The following LARGE1 variants were observed in gnomAD, a reference collection of about 807,000 sequenced individuals.
LARGE1 encodes LARGE xylosyl- and glucuronyltransferase 1, also known as xylosyl- and glucuronyltransferase LARGE1.
In LARGE1, 43 loss-of-function variants were observed where a neutral mutation model predicts 87.6. The ratio of observed to expected loss-of-function variants is 0.49; its 90% CI spans 0.38 to 0.63. LARGE1 has a LOEUF of 0.63. Among genes scored for constraint, LARGE1 ranks in the 30% least tolerant of loss-of-function variants. The pLI is 0.00. For missense variants in LARGE1, 802 were observed against 1,000.2 expected (o/e 0.80, Z 2.67); for synonymous variants, 434 against 394.6 (o/e 1.10, Z -1.18).
chr22:33,830,558 G>A (rs2146327788), intron 1 of LARGE1, among the ~76,000 whole-genome samples: 1 of 152,210 alleles, frequency 6.6e-6, no homozygotes, highest in Admixed American at 6.5e-5. Flanking sequence ...TTTCCTCAAG[G>A]GTGAAATGAG....
At chr22:33,332,718 G>A (rs2283892) in intron 10 of LARGE1, among the ~76,000 whole-genome samples, 19,210 of 152,008 alleles carry the variant, frequency 0.13, 2,991 homozygotes, top group African/African-American at 0.37. Flanking sequence ...AACACTTGAC[G>A]CGCTGCGGAA....
intron 10 of LARGE1, among the ~76,000 whole-genome samples, chr22:33,317,803 C>T (rs1006781461): frequency 2.6e-5 from 4 of 152,198 alleles, no homozygotes; most frequent in South Asian, 2.1e-4. Context: ...AAATTGGACT[C>T]GGGCATGTGG....
the LARGE1 span, among the ~76,000 whole-genome samples, chr22:33,141,726 T>C: frequency 2.6e-5 from 4 of 152,250 alleles, no homozygotes; most frequent in Non-Finnish European, 4.4e-5. Flanking sequence ...TGAAGTGAAT[T>C]GTGAAGGCAC....
intron 11 of LARGE1, among the ~76,000 whole-genome samples, chr22:33,213,049 T>C (rs1220382518): frequency 4.6e-5 from 7 of 150,650 alleles, no homozygotes; most frequent in Non-Finnish European, 1.5e-5. Context: ...TTGTGATTCA[T>C]GGGAGGAGAT....
chr22:33,124,395 A>AGGAAGGAAGGAAGGAAGGAAGGAAGG, the LARGE1 span, among the ~76,000 whole-genome samples: 18 of 148,128 alleles, frequency 1.2e-4, no homozygotes, highest in Non-Finnish European at 1.5e-4. Flanking sequence ...GGAGGAAGGA[A>AGGAAGGAAGGAAGGAAGGAAGGAAGG]AATGATGGCT....
At chr22:33,811,413 G>A (rs778543513) in intron 1 of LARGE1, among the ~76,000 whole-genome samples, 10 of 152,118 alleles carry the variant, frequency 6.6e-5, no homozygotes, top group East Asian at 1.9e-4. Flanking sequence ...CTAAAGCCAG[G>A]CACTCTGGAG....
intron 1 of LARGE1, among the ~76,000 whole-genome samples, chr22:33,802,261 C>T (rs2086185004): frequency 6.6e-6 from 1 of 152,224 alleles, no homozygotes; most frequent in South Asian, 2.1e-4. Context: ...ATTCCCACTG[C>T]AAATGGCTCA....
Position 33,387,443 on chromosome 22 carries a change from A to AG in LARGE1, c.893-3140_893-3139insC, listed in dbSNP as rs1443489245. 1.9e-3 allele frequency among the ~76,000 whole-genome samples: 279 copies of AG among 150,012 alleles called. 1 individual carries two copies. Among genetic ancestry groups the AG allele is most frequent in the African/African-American group, 6.4e-3 (259 of 40,536 alleles). On this transcript the variant is annotated intron_variant, in intron 7 of 14. Transcript: ENST00000397394. Reference sequence around the variant, plus strand: ...CTCTGTCTCAAAAAAAAAAAAAAAAAAAAGAAAGAAAGAATTTCATTAATC... The same window carrying AG: ...CTCTGTCTCAAAAAAAAAAAAAAAAAGAAAGAAAGAAAGAATTTCATTAATC...
At chr22:33,747,615 T>C (rs1050166742) in intron 2 of LARGE1, 20 of 152,262 alleles carry the variant, frequency 1.3e-4, no homozygotes, top group African/African-American at 4.8e-4. Context: ...GTTGCACTTA[T>C]CAACACTCAG....
the LARGE1 span, among the ~76,000 whole-genome samples, chr22:33,104,602 T>C: frequency 6.6e-6 from 1 of 152,020 alleles, no homozygotes; most frequent in African/African-American, 2.4e-5. Flanking sequence ...ATGCAAGAGG[T>C]GCTATAGGAA....
chr22:33,285,281 T>C (rs1296701751), intron 12 of LARGE1, among the ~76,000 whole-genome samples: 5 of 152,062 alleles, frequency 3.3e-5, no homozygotes, highest in African/African-American at 4.8e-5. Context: ...GTAGGCATTG[T>C]AAGGCATTTT....
chr22:33,614,950 G>A (rs999709615), intron 4 of LARGE1, among the ~76,000 whole-genome samples: 6 of 152,114 alleles, frequency 3.9e-5, no homozygotes, highest in Non-Finnish European at 7.3e-5. Context: ...CCATGCTGTC[G>A]CCTTTTCCTG....
rs941782915 is a variant in LARGE1, at chr22:33,534,979, G to A, written c.787+29869C>T. 5.3e-5 allele frequency among the ~76,000 whole-genome samples: 8 copies of A among 152,182 alleles called. No homozygotes were observed. In the South Asian group the frequency reaches 1.4e-3, roughly 28 times the overall value. On this transcript the variant is annotated intron_variant, in intron 6 of 14. Transcript: ENST00000397394. The stretch of plus-strand genomic sequence containing the variant: ...GTAATAACTTAATACGACTTTACAT[G>A]AGCACTTGGCATATCCCAAGCATCA...
intron 10 of LARGE1, among the ~76,000 whole-genome samples, chr22:33,317,271 C>T (rs1936266107): frequency 6.6e-6 from 1 of 151,996 alleles, no homozygotes; most frequent in Non-Finnish European, 1.5e-5. Flanking sequence ...AAAAATTACA[C>T]AGGAAAATGC....
chr22:33,870,270 C>T (rs143016748), intron 1 of LARGE1, among the ~76,000 whole-genome samples: 1 of 152,148 alleles, frequency 6.6e-6, no homozygotes, highest in South Asian at 2.1e-4. Context: ...GAGAGCATGG[C>T]CCTGCCAACA....
intron 11 of LARGE1, among the ~76,000 whole-genome samples, chr22:33,254,657 C>G (rs1487947193): frequency 1.3e-5 from 2 of 152,152 alleles, no homozygotes; most frequent in African/African-American, 4.8e-5. Context: ...ATTTCCAATT[C>G]TTAAATGGGA....
intron 7 of LARGE1, among the ~76,000 whole-genome samples, chr22:33,401,900 GT>G (rs1285688915): frequency 6.6e-6 from 1 of 152,182 alleles, no homozygotes; most frequent in Non-Finnish European, 1.5e-5. Flanking sequence ...CCCAGAACTG[GT>G]ACCAGCTCTC....
At chr22:33,384,808 A>C (rs2065270350) in intron 7 of LARGE1, among the ~76,000 whole-genome samples, 1 of 149,026 alleles carries the variant, frequency 6.7e-6, no homozygotes, top group Non-Finnish European at 1.5e-5. Context: ...CTAGCTCTGC[A>C]CTGGATACAG....
intron 5 of LARGE1, among the ~76,000 whole-genome samples, chr22:33,599,145 T>G (rs2079051805): frequency 1.3e-5 from 2 of 152,174 alleles, no homozygotes; most frequent in South Asian, 4.1e-4. Flanking sequence ...CCATGTCTAC[T>G]GAATTATACA....
Sources: gnomAD v4.1 joint callset for allele counts (sites outside exome capture counted in the v4.1 genomes callset) on GRCh38, gnomAD v4.1.1 for gene constraint, MANE v1.5 for transcripts, NCBI Gene and HGNC (gene_info 2026-07-23, HGNC 2026-07-21) for gene names.